PREX1: variants seen among roughly 807,000 people sequenced by gnomAD.
The protein encoded by PREX1 is phosphatidylinositol-3,4,5-trisphosphate dependent Rac exchange factor 1, also known as phosphatidylinositol 3,4,5-trisphosphate-dependent Rac exchanger 1 protein.
PREX1 carries 41 observed loss-of-function variants against 198.3 expected under a neutral mutation model. That is an observed-to-expected ratio of 0.21 (90% CI 0.16 to 0.27). The LOEUF is 0.27. Ranked by LOEUF, PREX1 falls within the 10% of genes least tolerant of loss-of-function variation. PREX1 has a pLI of 1.00. For missense variants in PREX1, 1,620 were observed against 2,200.7 expected (o/e 0.74, Z 5.28); for synonymous variants, 843 against 887.2 (o/e 0.95, Z 0.89).
At chr20:48,783,902 C>T (rs529318675) in intron 1 of PREX1, among the ~76,000 whole-genome samples, 2 of 152,014 alleles carry the variant, frequency 1.3e-5, no homozygotes, top group East Asian at 3.9e-4. Context: ...TGCTAATGTC[C>T]CCTCCATGTC....
At chr20:48,764,888 G>C (rs1007537568) in intron 1 of PREX1, among the ~76,000 whole-genome samples, 1 of 151,996 alleles carries the variant, frequency 6.6e-6, no homozygotes, top group Non-Finnish European at 1.5e-5. Flanking sequence ...CTGGGAGATG[G>C]ACGAGGCCAC....
At chr20:48,758,878 A>G (rs780436012) in intron 1 of PREX1, among the ~76,000 whole-genome samples, 14 of 152,100 alleles carry the variant, frequency 9.2e-5, no homozygotes, top group Non-Finnish European at 1.9e-4. Context: ...ATGTGTGTTC[A>G]TTATCAGTCT....
At position 48,711,608 on chromosome 20, in the gene PREX1, G is replaced by A. The variant is rs530086816; in HGVS notation, c.622-3187C>T. On this transcript the variant is annotated intron_variant, in intron 5 of 39. Transcript: ENST00000371941. ...CGTTTTTGTAAAAAAAAGTTTTGTC[G>A]GAACCAAGTATCCTCATTTCACTGA... Among the ~76,000 whole-genome samples the A allele has an allele frequency of 4.6e-5, 7 of 152,254 alleles. No homozygotes were observed. In the South Asian group the frequency reaches 6.2e-4, roughly 14 times the overall value.
rs775874146 is a variant in PREX1 at position 48,655,352 on chromosome 20, G to T, written c.2147C>A (p.Pro716Gln). 1 of 1,592,002 alleles carries T rather than the reference G, an allele frequency of 6.3e-7. No homozygotes were observed. The highest frequency in any genetic ancestry group is 1.1e-5 in the South Asian group (1 of 87,820). Reference sequence around the variant, plus strand: ...ACGAATCTGGAAGCACAGTGTGTCCGGCTGGTCGGGGATTTTGATGATCCT... The same window carrying T: ...ACGAATCTGGAAGCACAGTGTGTCCTGCTGGTCGGGGATTTTGATGATCCT... Reference protein sequence around the residue: ...AKEIIKIPDQPDTLCFQIRGA... With the variant: ...AKEIIKIPDQQDTLCFQIRGA... The change falls in exon 19 of 40, where the codon CCG (proline) becomes CAG (glutamine). Residue 716 changes from proline (P) to glutamine (Q), a missense_variant. By Grantham distance (76) the Pro-to-Gln change is moderately conservative. Coordinates refer to ENST00000371941, the MANE Select transcript of PREX1 (RefSeq NM_020820.4).
chr20:48,794,306 G>C (rs139268046), intron 1 of PREX1, among the ~76,000 whole-genome samples: 2,067 of 152,354 alleles, frequency 0.014, 40 homozygotes, highest in African/African-American at 0.047. Flanking sequence ...TAGGGGCACA[G>C]AGAATGAGAC....
At chr20:48,719,316 C>A (rs1179497517) in intron 5 of PREX1, among the ~76,000 whole-genome samples, 2 of 152,008 alleles carry the variant, frequency 1.3e-5, no homozygotes, top group Non-Finnish European at 2.9e-5. Flanking sequence ...CCCCCCCCAA[C>A]TCCCCAACAA....
At chr20:48,652,134 A>ACATCGTGGG (rs1434003659) in intron 21 of PREX1, among the ~76,000 whole-genome samples, 2 of 152,204 alleles carry the variant, frequency 1.3e-5, no homozygotes, top group Non-Finnish European at 2.9e-5. Flanking sequence ...AACTGACATA[A>ACATCGTGGG]CATCGTGGGC....
Position 48,823,633 on chromosome 20 carries a change from G to A in PREX1, c.219+4009C>T, listed in dbSNP as rs540818697. On this transcript the variant is annotated intron_variant, in intron 1 of 39. Transcript: ENST00000371941. ...ACTCGGCAGCCTGCCATTTCTATCC[G>A]TCCACAGTTCTTCCCATTCTGTGGA... Among the ~76,000 whole-genome samples the A allele has an allele frequency of 3.3e-4, 50 of 152,278 alleles. 1 individual carries two copies. Among genetic ancestry groups the A allele is most frequent in the Non-Finnish European group, 5.6e-4 (38 of 68,024 alleles).
intron 1 of PREX1, among the ~76,000 whole-genome samples, chr20:48,773,487 T>C (rs2090246641): frequency 6.6e-6 from 1 of 152,056 alleles, no homozygotes; most frequent in Non-Finnish European, 1.5e-5. Context: ...GGACAGAACC[T>C]CTGGGACCTC....
At chr20:48,631,672 T>A (rs1344997907) in intron 35 of PREX1, among the ~76,000 whole-genome samples, 1 of 152,078 alleles carries the variant, frequency 6.6e-6, no homozygotes, top group Non-Finnish European at 1.5e-5. Context: ...CCCGTACTCA[T>A]CTCCCTGGGG....
chr20:48,712,126 A>T (rs943419124), intron 5 of PREX1, among the ~76,000 whole-genome samples: 2 of 152,206 alleles, frequency 1.3e-5, no homozygotes, highest in Non-Finnish European at 2.9e-5. Context: ...TAAATTCACC[A>T]TGAAACTGTG....
rs992632106 is a variant in PREX1, at chr20:48,666,718, G to A, written c.1666-363C>T. On this transcript the variant is annotated intron_variant, in intron 14 of 39. Transcript: ENST00000371941. This position sits in a 1 kb window ranked among gnomAD's most constrained non-coding sequence, Gnocchi z 4.3. ...TTTTTTGTATTTTTAGTAGAGACGG[G>A]GTTTCACTGTGTTAGCCAGGATGGT... is the stretch of plus-strand genomic sequence containing the variant. Among the ~76,000 whole-genome samples, 1 of 151,966 alleles carries A rather than the reference G, an allele frequency of 6.6e-6. No homozygotes were observed. The highest frequency in any genetic ancestry group is 1.5e-5 in the Non-Finnish European group (1 of 67,980).
At chr20:48,682,949 A>G (rs1465419840) in intron 10 of PREX1, among the ~76,000 whole-genome samples, 1 of 152,246 alleles carries the variant, frequency 6.6e-6, no homozygotes, top group African/African-American at 2.4e-5. Flanking sequence ...TTGGCAGAGC[A>G]AAGACCTGCC....
At position 48,624,732 on chromosome 20, in the gene PREX1, C is replaced by G. The variant is rs899467127; in HGVS notation, c.*1153G>C. On this transcript the variant is annotated 3_prime_UTR_variant, in exon 40 of 40. Coordinates refer to ENST00000371941, the MANE Select transcript of PREX1 (RefSeq NM_020820.4). ...GTGCTCTGGCTGGTGATGTCCCAATCGCCCTGCTCTGAGAAGTTACCATCA... is the reference window on the plus strand; with the variant it reads ...GTGCTCTGGCTGGTGATGTCCCAATGGCCCTGCTCTGAGAAGTTACCATCA... 1 of 152,386 alleles carries G rather than the reference C, an allele frequency of 6.6e-6. No homozygotes were observed. The highest frequency in any genetic ancestry group is 6.5e-5 in the Admixed American group (1 of 15,314). The allele number at this position is 152,386 out of a possible 1,614,324, so 9.4% of individuals were successfully genotyped here. A position where few individuals can be genotyped will look rare whatever the true frequency, so the allele number is the denominator to read the frequency against.
the PREX1 span, among the ~76,000 whole-genome samples, chr20:48,846,313 C>T: frequency 6.6e-6 from 1 of 152,190 alleles, no homozygotes. Context: ...TATAATTTCA[C>T]GGCGGAGAGG....
At chr20:48,637,683 GC>G in intron 31 of PREX1, 27 bp downstream of exon 31, 4 of 1,593,608 alleles carry the variant, frequency 2.5e-6, no homozygotes, top group South Asian at 1.1e-5. Flanking sequence ...CCGGGTATGT[GC>G]CCCCCACACA....
chr20:48,696,907 T>G (rs540984602), intron 7 of PREX1, among the ~76,000 whole-genome samples: 1 of 151,946 alleles, frequency 6.6e-6, no homozygotes, highest in Non-Finnish European at 1.5e-5. Context: ...TGTCTTCAGC[T>G]TGCAGACGAC....
At chr20:48,863,924 T>G in the PREX1 span, among the ~76,000 whole-genome samples, 4 of 152,212 alleles carry the variant, frequency 2.6e-5, no homozygotes, top group Non-Finnish European at 5.9e-5. Flanking sequence ...TTTAAGATTC[T>G]TCCATGTCTT....
chr20:48,704,293 T>C (rs562493585), intron 6 of PREX1, among the ~76,000 whole-genome samples: 1 of 152,246 alleles, frequency 6.6e-6, no homozygotes, highest in South Asian at 2.1e-4. Context: ...TTCTTTGCAA[T>C]CGATAGTCTA....
Sources: gnomAD v4.1 joint callset for allele counts (sites outside exome capture counted in the v4.1 genomes callset) on GRCh38, gnomAD v4.1.1 for gene constraint, Gnocchi (gnomAD v3.1) non-coding constraint, MANE v1.5 for transcripts, NCBI Gene and HGNC (gene_info 2026-07-23, HGNC 2026-07-21) for gene names.